The following PDE8B variants were observed in gnomAD, a reference collection of about 807,000 sequenced individuals.
PDE8B encodes the protein high affinity cAMP-specific and IBMX-insensitive 3',5'-cyclic phosphodiesterase 8B.
PDE8B carries 26 observed loss-of-function variants against 101.3 expected under a neutral mutation model. The observed-to-expected ratio is 0.26, with a 90% confidence interval of 0.19 to 0.36. The LOEUF is 0.36. Ranked by LOEUF, PDE8B falls within the 10% of genes least tolerant of loss-of-function variation. PDE8B has a pLI of 1.00. For missense variants in PDE8B, 810 were observed against 1,163.1 expected (o/e 0.70, Z 4.42); for synonymous variants, 424 against 429.3 (o/e 0.99, Z 0.15).
the PDE8B span, chr5:77,092,418 T>C: frequency 6.6e-6 from 1 of 152,200 alleles, no homozygotes. Flanking sequence ...CAGTTCTTGC[T>C]TTCTTGGTAG....
At chr5:77,126,008 C>T in the PDE8B span, among the ~76,000 whole-genome samples, 1,777 of 152,234 alleles carry the variant, frequency 0.012, 26 homozygotes, top group African/African-American at 0.041. Flanking sequence ...TAGTTACAGC[C>T]GGGCTCAGTG....
the PDE8B span, among the ~76,000 whole-genome samples, chr5:77,110,140 G>A: frequency 6.6e-6 from 1 of 151,662 alleles, no homozygotes; most frequent in African/African-American, 2.4e-5. Context: ...TAGATATGGG[G>A]TTTTACCATG....
chr5:77,164,070 C>T, the PDE8B span, among the ~76,000 whole-genome samples: 12 of 152,192 alleles, frequency 7.9e-5, no homozygotes, highest in South Asian at 2.1e-4. Flanking sequence ...GCCAAGCTAA[C>T]GTGAGAGTCC....
chr5:77,426,770 G>T lies in PDE8B; in HGVS notation c.*216G>T. 1 of 535,658 alleles carries T rather than the reference G, an allele frequency of 1.9e-6. No homozygotes were observed. Among genetic ancestry groups the T allele is most frequent in the Non-Finnish European group, 3.4e-6 (1 of 296,758 alleles). The allele number at this position is 535,658 out of a possible 1,614,324, so 33.2% of individuals were successfully genotyped here. On this transcript the variant is annotated 3_prime_UTR_variant, in exon 22 of 22. Coordinates refer to ENST00000264917, the MANE Select transcript of PDE8B (RefSeq NM_003719.5). ...ATGTTCTTTTGAATACTTAATGACA[G>T]AACAAATACTTGGCAAACTCCTTTG...
chr5:77,378,917 C>A (rs528252671), intron 10 of PDE8B, among the ~76,000 whole-genome samples: 1 of 152,290 alleles, frequency 6.6e-6, no homozygotes, highest in South Asian at 2.1e-4. Flanking sequence ...TCAGTATTGG[C>A]CAAGTTATGA....
At chr5:77,278,842 CG>C (rs1449982174) in intron 1 of PDE8B, among the ~76,000 whole-genome samples, 2 of 152,046 alleles carry the variant, frequency 1.3e-5, no homozygotes, top group East Asian at 3.9e-4. Context: ...CAATTTTTTA[CG>C]CTTTTTATCT....
chr5:77,197,628 G>T, the PDE8B span, among the ~76,000 whole-genome samples: 4 of 149,962 alleles, frequency 2.7e-5, no homozygotes, highest in Non-Finnish European at 5.9e-5. Context: ...CATTTTTATC[G>T]TGTCTCTTTG....
chr5:77,127,199 C>T, the PDE8B span, among the ~76,000 whole-genome samples: 1 of 152,126 alleles, frequency 6.6e-6, no homozygotes, highest in East Asian at 1.9e-4. Context: ...AATCTCATCT[C>T]GAATTGTAAT....
chr5:77,203,392 C>G, the PDE8B span, among the ~76,000 whole-genome samples: 2 of 152,184 alleles, frequency 1.3e-5, no homozygotes, highest in African/African-American at 4.8e-5. Context: ...GTGTGTATGT[C>G]TGTGTTCCTA....
At chr5:77,260,090 G>A (rs906836093) in intron 1 of PDE8B, among the ~76,000 whole-genome samples, 1 of 150,116 alleles carries the variant, frequency 6.7e-6, no homozygotes, top group Non-Finnish European at 1.5e-5. Context: ...CTTGAACTCG[G>A]GAGTTGCAGT....
chr5:77,110,156 C>T, the PDE8B span, among the ~76,000 whole-genome samples: 36 of 151,736 alleles, frequency 2.4e-4, no homozygotes, highest in Non-Finnish European at 4.6e-4. Context: ...CCATGTTGAC[C>T]GGGCTGGTCT....
rs541954266 is a variant in PDE8B at position 77,424,682 on chromosome 5, C to T, written c.2419-1085C>T. 2.0e-4 allele frequency among the ~76,000 whole-genome samples: 31 copies of T among 152,312 alleles called. No homozygotes were observed. The South Asian group carries it at 4.6e-3, about 22-fold the overall frequency. On this transcript the variant is annotated intron_variant, in intron 20 of 21. Transcript: ENST00000264917. Reference sequence around the variant, plus strand: ...GATTTTGGTATGCAGTTCAAGTGTACGTGTACTCCCATTTCATCACATTCA... The same window carrying T: ...GATTTTGGTATGCAGTTCAAGTGTATGTGTACTCCCATTTCATCACATTCA...
At chr5:77,411,583 C>G (rs2151092812) in intron 14 of PDE8B, 93 bp from the exon 15 acceptor site, 1 of 1,042,238 alleles carries the variant, frequency 9.6e-7, no homozygotes, top group Admixed American at 1.8e-5. Flanking sequence ...TTGGGTTATT[C>G]AGGATTCAAA....
chr5:77,417,433 T>C (rs1387857609), intron 17 of PDE8B, among the ~76,000 whole-genome samples: 1 of 152,188 alleles, frequency 6.6e-6, no homozygotes, highest in African/African-American at 2.4e-5. Context: ...GTGTAAATCA[T>C]CATGGCAGCT....
chr5:77,322,350 A>G (rs759895276), intron 2 of PDE8B, among the ~76,000 whole-genome samples: 1 of 152,244 alleles, frequency 6.6e-6, no homozygotes, highest in Non-Finnish European at 1.5e-5. Context: ...AAGTCAAAGC[A>G]TCAGAAACAC....
the PDE8B span, among the ~76,000 whole-genome samples, chr5:77,177,683 A>G: frequency 1.3e-5 from 2 of 152,236 alleles, no homozygotes; most frequent in Non-Finnish European, 2.9e-5. Flanking sequence ...TGCCTTGAAC[A>G]CCAGCACTGG....
chr5:77,325,460 C>T (rs948677465), intron 2 of PDE8B, 79 bp from the exon 3 acceptor site: 123 of 1,304,730 alleles, frequency 9.4e-5, no homozygotes, highest in Non-Finnish European at 1.2e-4. Context: ...TGAGCCACTG[C>T]GCCTGGCCAC....
chr5:77,188,083 C>G, the PDE8B span, among the ~76,000 whole-genome samples: 1 of 152,094 alleles, frequency 6.6e-6, no homozygotes, highest in Non-Finnish European at 1.5e-5. Flanking sequence ...AAAATAAATT[C>G]AAGACCATCT....
intron 5 of PDE8B, among the ~76,000 whole-genome samples, chr5:77,333,568 A>T (rs569082883): frequency 6.6e-6 from 1 of 152,206 alleles, no homozygotes; most frequent in Non-Finnish European, 1.5e-5. Context: ...ATCAGGACCC[A>T]TGTACGTGCT....
Sources: gnomAD v4.1 joint callset for allele counts (sites outside exome capture counted in the v4.1 genomes callset) on GRCh38, gnomAD v4.1.1 for gene constraint, MANE v1.5 for transcripts, NCBI Gene and HGNC (gene_info 2026-07-23, HGNC 2026-07-21) for gene names.